Variants in MYLK observed in about 807,000 individuals in gnomAD.
The protein encoded by MYLK is myosin light chain kinase, smooth muscle.
Under a neutral mutation model 203.4 loss-of-function variants are expected in MYLK, and 106 were observed. The ratio of observed to expected loss-of-function variants is 0.52; its 90% CI spans 0.45 to 0.61. The LOEUF (loss-of-function observed/expected upper bound fraction) is 0.61. Ranked by LOEUF, MYLK falls within the 20% of genes least tolerant of loss-of-function variation. The pLI, the probability that MYLK is intolerant of heterozygous loss-of-function variation, is 0.00. For synonymous variants in MYLK, 867 were observed against 959.5 expected (o/e 0.90, Z 1.78); for missense variants, 2,072 against 2,442.3 (o/e 0.85, Z 3.20).
intron 2 of MYLK, among the ~76,000 whole-genome samples, chr3:123,864,008 CT>C (rs768831845): frequency 7.2e-5 from 11 of 152,136 alleles, no homozygotes; most frequent in Non-Finnish European, 1.3e-4. Flanking sequence ...ACAAAATACT[CT>C]TTAGCAATTA....
intron 2 of MYLK, among the ~76,000 whole-genome samples, chr3:123,842,386 A>C (rs2066614856): frequency 2.0e-5 from 3 of 152,296 alleles, no homozygotes; most frequent in Admixed American, 6.5e-5. Context: ...CCAATATCAC[A>C]GCTCAGAATC....
rs573461232 is a variant in MYLK, at chr3:123,610,118, C to G, written c.*3987G>C. 3.9e-5 allele frequency: 6 copies of G among 152,232 alleles called. No individual in the cohort carries two copies. The highest frequency in any genetic ancestry group is 8.8e-5 in the Non-Finnish European group (6 of 68,046). 9.4% of individuals were successfully genotyped at this position (152,232 alleles called of 1,614,324 possible). ...AGACCATACTCTCTAGACTTTCACACAAGCTTTTCAGTTTTAATTTCACAT... is the reference window on the plus strand; with the variant it reads ...AGACCATACTCTCTAGACTTTCACAGAAGCTTTTCAGTTTTAATTTCACAT... On this transcript the variant is annotated 3_prime_UTR_variant, in exon 34 of 34. Transcript: ENST00000360304.
chr3:123,708,160 C>T (rs2061536552), intron 15 of MYLK, among the ~76,000 whole-genome samples, 157 bp from the exon 16 acceptor site: 2 of 152,120 alleles, frequency 1.3e-5, no homozygotes, highest in Admixed American at 1.3e-4. Flanking sequence ...TGCAGCACAC[C>T]CTTCTCATTG....
At chr3:123,824,110 A>G (rs2066031777) in intron 3 of MYLK, among the ~76,000 whole-genome samples, 1 of 145,844 alleles carries the variant, frequency 6.9e-6, no homozygotes, top group African/African-American at 2.5e-5. Flanking sequence ...TTTTTTTGAG[A>G]CGGAGTTTCA....
chr3:123,733,817 A>G lies in MYLK; in HGVS notation c.1179T>C (p.Asp393=), dbSNP rs1356973587. 1 of 1,613,972 alleles carries G rather than the reference A, an allele frequency of 6.2e-7. No individual in the cohort carries two copies. Among genetic ancestry groups the G allele is most frequent in the South Asian group, 1.1e-5 (1 of 90,912 alleles). ...TCCTGTTAGCAGCCTTGCTCACAAC[A>G]TCTTGGCTCCCCAGGCCAGGCTGCC... ...PTRQPGLGSQ[D]VVSKAANRRI... Residue 393 remains aspartate (D), a synonymous_variant, in exon 10 of 34, where the codon GAT becomes GAC. Transcript: ENST00000360304.
At chr3:123,663,285 C>T (rs1298092015) in intron 23 of MYLK, among the ~76,000 whole-genome samples, 3 of 152,046 alleles carry the variant, frequency 2.0e-5, no homozygotes, top group East Asian at 3.9e-4. Context: ...GGAGACAGAC[C>T]CCACTCAATC....
chr3:123,651,412 A>T (rs2059207148), intron 24 of MYLK, among the ~76,000 whole-genome samples: 1 of 152,194 alleles, frequency 6.6e-6, no homozygotes, highest in African/African-American at 2.4e-5. Context: ...GTGATGGGAC[A>T]CCAGGTGGAC....
chr3:123,776,682 T>A lies in MYLK; in HGVS notation c.165+16995A>T, dbSNP rs1008023826. The stretch of plus-strand genomic sequence containing the variant: ...AAAACACTATGAATAATTTTAGTTA[T>A]GACTAAAAGTTACTGAGCACTTATA... On this transcript the variant is annotated intron_variant, in intron 4 of 33. Coordinates refer to ENST00000360304, the MANE Select transcript of MYLK (RefSeq NM_053025.4). 3.9e-5 allele frequency among the ~76,000 whole-genome samples: 6 copies of A among 152,374 alleles called. No individual in the cohort carries two copies. The East Asian group carries it at 5.8e-4, about 15-fold the overall frequency.
At chr3:123,692,941 G>A in intron 18 of MYLK, 90 bp from the exon 19 acceptor site, 1 of 1,123,468 alleles carries the variant, frequency 8.9e-7, no homozygotes, top group Admixed American at 1.7e-5. Context: ...TACTCGCACG[G>A]GCAGCCTCTG....
At position 123,700,198 on chromosome 3, in the gene MYLK, T is replaced by C. The variant is rs1423582607; in HGVS notation, c.3270A>G (p.Arg1090=). 6.2e-7 allele frequency: 1 copy of C among 1,613,788 alleles called. No homozygotes were observed. Among genetic ancestry groups the C allele is most frequent in the Admixed American group, 1.7e-5 (1 of 59,980 alleles). Reference sequence around the variant, plus strand: ...CTGGGGCTGTCCCCTGGCTCTCTGATCTCTTTTCATTATCTGTGGTCCCTG... The same window carrying C: ...CTGGGGCTGTCCCCTGGCTCTCTGACCTCTTTTCATTATCTGTGGTCCCTG... ...GHAGTTDNEK[R]SESQGTAPAF... Residue 1090 remains arginine, a synonymous_variant, in exon 18 of 34, where the codon AGA becomes AGG. Transcript: ENST00000360304.
intron 4 of MYLK, among the ~76,000 whole-genome samples, chr3:123,758,205 T>C (rs2063420926): frequency 6.6e-6 from 1 of 152,126 alleles, no homozygotes; most frequent in Non-Finnish European, 1.5e-5. Flanking sequence ...TGCGTCTGTG[T>C]CAGCAACTGG....
intron 2 of MYLK, among the ~76,000 whole-genome samples, chr3:123,865,663 C>T (rs2032279721): frequency 6.6e-6 from 1 of 152,204 alleles, no homozygotes; most frequent in Non-Finnish European, 1.5e-5. Flanking sequence ...AAGTCCTGAT[C>T]TGAAGGTGGC....
chr3:123,867,158 G>A (rs1408634356), intron 2 of MYLK, among the ~76,000 whole-genome samples: 1 of 152,032 alleles, frequency 6.6e-6, no homozygotes, highest in Non-Finnish European at 1.5e-5. Flanking sequence ...TCCCACCAGT[G>A]ACACTACCAC....
At position 123,648,859 on chromosome 3, in the gene MYLK, G is replaced by T; in HGVS notation, c.4415+112C>A. 1.1e-6 allele frequency: 1 copy of T among 876,832 alleles called. No homozygotes were observed. Among genetic ancestry groups the T allele is most frequent in the Non-Finnish European group, 1.9e-6 (1 of 523,946 alleles). The allele number at this position is 876,832 out of a possible 1,614,324, so 54.3% of individuals were successfully genotyped here. A position where few individuals can be genotyped will look rare whatever the true frequency, so the allele number is the denominator to read the frequency against. On this transcript the variant is annotated intron_variant, in intron 26 of 33. Transcript: ENST00000360304. The surrounding 1 kb of genome is among the most constrained non-coding windows in gnomAD (Gnocchi z 4.5). Reference sequence around the variant, plus strand: ...TTGGATCCTGCAGGACTCTCAGTCTGGGGAGGAGGCAGGCCCCAGGGAGCA... The same window carrying T: ...TTGGATCCTGCAGGACTCTCAGTCTTGGGAGGAGGCAGGCCCCAGGGAGCA...
chr3:123,634,655 G>A lies in MYLK; in HGVS notation c.4961+3416C>T, dbSNP rs777468571. ...GAAGCAGAGCAGCCATTGCTGGTTCGCTCTGGCTTGAGGGAGGCTGGGAGA... is the reference window on the plus strand; with the variant it reads ...GAAGCAGAGCAGCCATTGCTGGTTCACTCTGGCTTGAGGGAGGCTGGGAGA... On this transcript the variant is annotated intron_variant, in intron 29 of 33. Transcript: ENST00000360304. 7.2e-5 allele frequency among the ~76,000 whole-genome samples: 11 copies of A among 152,328 alleles called. No individual in the cohort carries two copies. In the East Asian group the frequency reaches 7.7e-4, roughly 11 times the overall value.
intron 11 of MYLK, among the ~76,000 whole-genome samples, chr3:123,728,828 C>T (rs542300288): frequency 1.2e-4 from 19 of 152,282 alleles, no homozygotes; most frequent in South Asian, 2.1e-4. Flanking sequence ...GCTCCTTCAA[C>T]GACTCCATTT....
At position 123,772,818 on chromosome 3, in the gene MYLK, C is replaced by T. The variant is rs115606017; in HGVS notation, c.166-20280G>A. Among the ~76,000 whole-genome samples the T allele has an allele frequency of 7.5e-3, 1,144 of 151,910 alleles. 14 individuals carry two copies. The highest frequency in any genetic ancestry group is 0.026 in the African/African-American group (1,063 of 41,512). On this transcript the variant is annotated intron_variant, in intron 4 of 33. Transcript: ENST00000360304. The stretch of plus-strand genomic sequence containing the variant: ...AATGTGATATGTTTCATTTAAAAAA[C>T]GTGTTAATAGGTAAAGTGATAACTA...
intron 13 of MYLK, among the ~76,000 whole-genome samples, chr3:123,721,662 A>T (rs1161913757): frequency 6.6e-6 from 1 of 151,818 alleles, no homozygotes; most frequent in Non-Finnish European, 1.5e-5. Flanking sequence ...CCAGCATGTA[A>T]GGGGTCACTG....
intron 21 of MYLK, chr3:123,666,874 G>A: frequency 1.7e-6 from 1 of 599,266 alleles, no homozygotes; most frequent in Non-Finnish European, 3.0e-6. Flanking sequence ...AGGCAGGAGA[G>A]CTGCTAGTCC....
Sources: gnomAD v4.1 joint callset for allele counts (sites outside exome capture counted in the v4.1 genomes callset) on GRCh38, gnomAD v4.1.1 for gene constraint, Gnocchi (gnomAD v3.1) non-coding constraint, MANE v1.5 for transcripts, NCBI Gene and HGNC (gene_info 2026-07-23, HGNC 2026-07-21) for gene names.